The following ADGRV1 variants were observed in gnomAD, a reference collection of about 807,000 sequenced individuals.
The protein encoded by ADGRV1 is G-protein coupled receptor 98.
A neutral mutation model predicts 596.2 loss-of-function variants in ADGRV1; 359 were observed. That is an observed-to-expected ratio of 0.60 (90% CI 0.55 to 0.66). The LOEUF (loss-of-function observed/expected upper bound fraction) is 0.66. Ranked by LOEUF, ADGRV1 falls within the 30% of genes least tolerant of loss-of-function variation. ADGRV1 has a pLI of 0.00. For missense variants in ADGRV1, 7,274 were observed against 7,575.6 expected (o/e 0.96, Z 1.48); for synonymous variants, 2,681 against 2,679.2 (o/e 1.00, Z -0.02).
chr5:90,973,592 G>A (rs1331075154), intron 84 of ADGRV1, among the ~76,000 whole-genome samples: 1 of 152,130 alleles, frequency 6.6e-6, no homozygotes, highest in Non-Finnish European at 1.5e-5. Context: ...CAGAACCAAA[G>A]ACAAAAACCA....
intron 75 of ADGRV1, among the ~76,000 whole-genome samples, chr5:90,820,801 G>T (rs529344944): frequency 6.6e-6 from 1 of 152,012 alleles, no homozygotes; most frequent in Admixed American, 6.5e-5. Context: ...AGTCTGATGG[G>T]CTTCCCTATG....
chr5:90,579,303 G>C (rs541300913), intron 1 of ADGRV1, among the ~76,000 whole-genome samples: 1 of 152,250 alleles, frequency 6.6e-6, no homozygotes, highest in South Asian at 2.1e-4. Context: ...CTGGTATGTT[G>C]TGTCTTTGTT....
intron 85 of ADGRV1, among the ~76,000 whole-genome samples, chr5:91,039,153 C>T (rs759701965): frequency 2.0e-5 from 3 of 152,094 alleles, no homozygotes; most frequent in Non-Finnish European, 2.9e-5. Context: ...ATTTAAAACG[C>T]AGCTGACAAA....
chr5:90,643,111 A>G, intron 13 of ADGRV1, 70 bp downstream of exon 13: 2 of 1,266,496 alleles, frequency 1.6e-6, no homozygotes, highest in Non-Finnish European at 2.2e-6. Flanking sequence ...ATGAATATAA[A>G]TATTTTGAAT....
At chr5:90,741,084 A>G (rs923379109) in intron 50 of ADGRV1, among the ~76,000 whole-genome samples, 1 of 151,644 alleles carries the variant, frequency 6.6e-6, no homozygotes, top group Admixed American at 6.6e-5. Flanking sequence ...CATTCTATTT[A>G]CCTCTCACTT....
At chr5:90,850,296 T>G (rs1479433002) in intron 79 of ADGRV1, among the ~76,000 whole-genome samples, 1 of 152,142 alleles carries the variant, frequency 6.6e-6, no homozygotes, top group Non-Finnish European at 1.5e-5. Flanking sequence ...TTTTGATGAG[T>G]GAGTCCTGGA....
intron 1 of ADGRV1, among the ~76,000 whole-genome samples, chr5:90,607,944 A>G (rs2152036609): frequency 6.6e-6 from 1 of 152,256 alleles, no homozygotes; most frequent in African/African-American, 2.4e-5. Flanking sequence ...CAAAGAATAC[A>G]AAGAGGGAAG....
intron 45 of ADGRV1, among the ~76,000 whole-genome samples, chr5:90,721,614 G>T (rs1274857580): frequency 8.6e-6 from 1 of 116,220 alleles, no homozygotes; most frequent in East Asian, 2.4e-4. Flanking sequence ...CCTATGCCAG[G>T]CATGGCACTG....
intron 85 of ADGRV1, among the ~76,000 whole-genome samples, chr5:90,994,215 A>G (rs911231680): frequency 2.0e-5 from 3 of 151,794 alleles, no homozygotes; most frequent in Non-Finnish European, 4.4e-5. Context: ...GGCACCCACC[A>G]TGACACCCAG....
chr5:90,632,966 T>C (rs1425123189), intron 9 of ADGRV1, among the ~76,000 whole-genome samples: 6 of 152,186 alleles, frequency 3.9e-5, no homozygotes, highest in Admixed American at 6.5e-5. Flanking sequence ...AACTCAAGAA[T>C]AGGAAGCCTC....
rs573447853 is a variant in ADGRV1, at chr5:90,619,328, T to G, written c.453+147T>G. 3.2e-5 allele frequency: 14 copies of G among 441,004 alleles called. 1 individual carries two copies. The South Asian group carries it at 8.3e-4, about 26-fold the overall frequency. The allele number at this position is 441,004 out of a possible 1,614,324, so 27.3% of individuals were successfully genotyped here. ...TTAACTTTGTCCCTGTTTCACATTCTGTAGACCATTCATTTGTTCTACCTA... is the reference window on the plus strand; with the variant it reads ...TTAACTTTGTCCCTGTTTCACATTCGGTAGACCATTCATTTGTTCTACCTA... On this transcript the variant is annotated intron_variant, in intron 4 of 89. Coordinates refer to ENST00000405460, the MANE Select transcript of ADGRV1 (RefSeq NM_032119.4).
At chr5:91,028,118 T>C (rs1784173250) in intron 85 of ADGRV1, among the ~76,000 whole-genome samples, 1 of 151,712 alleles carries the variant, frequency 6.6e-6, no homozygotes, top group African/African-American at 2.4e-5. Flanking sequence ...ATAAAAGAAG[T>C]AGATAAGATA....
intron 83 of ADGRV1, among the ~76,000 whole-genome samples, chr5:90,930,777 C>T (rs147302715): frequency 0.012 from 1,893 of 152,144 alleles, 22 homozygotes; most frequent in Non-Finnish European, 0.018. Flanking sequence ...GTTTCATGTT[C>T]GGTAACAATA....
At chr5:90,687,023 G>C (rs1745756135) in intron 29 of ADGRV1, among the ~76,000 whole-genome samples, 1 of 152,108 alleles carries the variant, frequency 6.6e-6, no homozygotes, top group Non-Finnish European at 1.5e-5. Flanking sequence ...CTTTTGAGAA[G>C]TGTCTGTTCA....
chr5:90,595,755 A>G (rs1309987563), intron 1 of ADGRV1, among the ~76,000 whole-genome samples: 1 of 101,118 alleles, frequency 9.9e-6, no homozygotes, highest in Admixed American at 1.0e-4. Context: ...GGCGCCCCTC[A>G]CCTCCCGGAC....
At chr5:90,744,373 T>C (rs1045632824) in intron 50 of ADGRV1, among the ~76,000 whole-genome samples, 2 of 152,182 alleles carry the variant, frequency 1.3e-5, no homozygotes, top group African/African-American at 4.8e-5. Flanking sequence ...GTTCATATCC[T>C]TTGGCCTAAT....
intron 83 of ADGRV1, among the ~76,000 whole-genome samples, chr5:90,939,270 A>G (rs1775971913): frequency 6.6e-6 from 1 of 152,210 alleles, no homozygotes; most frequent in Non-Finnish European, 1.5e-5. Flanking sequence ...TCTCTCATTA[A>G]TTAGGTAGCT....
At chr5:90,961,848 G>T (rs540514875) in intron 83 of ADGRV1, among the ~76,000 whole-genome samples, 12 of 152,158 alleles carry the variant, frequency 7.9e-5, no homozygotes, top group Non-Finnish European at 1.6e-4. Context: ...CTCTTAAGTT[G>T]TGTATATGTT....
chr5:90,729,108 C>T (rs1752189320), intron 49 of ADGRV1, among the ~76,000 whole-genome samples, 175 bp downstream of exon 49: 1 of 152,080 alleles, frequency 6.6e-6, no homozygotes, highest in Non-Finnish European at 1.5e-5. Context: ...AATATTTAAG[C>T]ATTATACCCC....
Sources: gnomAD v4.1 joint callset for allele counts (sites outside exome capture counted in the v4.1 genomes callset) on GRCh38, gnomAD v4.1.1 for gene constraint, MANE v1.5 for transcripts, NCBI Gene and HGNC (gene_info 2026-07-23, HGNC 2026-07-21) for gene names.